Variants in ADAM9 observed in about 807,000 individuals in gnomAD.
ADAM9 encodes the protein ADAM metallopeptidase domain 9.
In ADAM9, 54 loss-of-function variants were observed where a neutral mutation model predicts 108.1. The ratio of observed to expected loss-of-function variants is 0.50; its 90% CI spans 0.40 to 0.63. ADAM9 has a LOEUF of 0.63. Among genes scored for constraint, ADAM9 ranks in the 20% least tolerant of loss-of-function variants. The pLI, the probability that ADAM9 is intolerant of heterozygous loss-of-function variation, is 0.00. For synonymous variants in ADAM9, 316 were observed against 336.0 expected (o/e 0.94, Z 0.65); for missense variants, 830 against 997.7 (o/e 0.83, Z 2.26).
rs1588337149 is a variant in ADAM9, at chr8:39,016,991, C to T, written c.411-228C>T. 5 of 536,844 alleles carry T rather than the reference C, an allele frequency of 9.3e-6. No individual in the cohort carries two copies. In the East Asian group the frequency reaches 1.3e-4, roughly 14 times the overall value. 33.3% of individuals were successfully genotyped at this position (536,844 alleles called of 1,614,324 possible). A position where few individuals can be genotyped will look rare whatever the true frequency, so the allele number is the denominator to read the frequency against. ...TGCCTTCCATTTCCCGTAGATCACT[C>T]AGGGAGGTTAAGTGACTTACAGGCA... On this transcript the variant is annotated intron_variant, in intron 5 of 21. Coordinates refer to ENST00000487273, the MANE Select transcript of ADAM9 (RefSeq NM_003816.3).
At chr8:39,036,267 A>G (rs1588362755) in intron 11 of ADAM9, among the ~76,000 whole-genome samples, 1 of 151,830 alleles carries the variant, frequency 6.6e-6, no homozygotes, top group Non-Finnish European at 1.5e-5. Context: ...GGCTTTCTTA[A>G]CTCTGCCCCT....
chr8:39,017,278 A>G lies in ADAM9; in HGVS notation c.470A>G (p.His157Arg). Reference sequence around the variant, plus strand: ...ATTGAACCCCTGCAGAACAGCTCTCATTTTGAGCACATCATTTATCGAATG... The same window carrying G: ...ATTGAACCCCTGCAGAACAGCTCTCGTTTTGAGCACATCATTTATCGAATG... ...YGIEPLQNSS[H>R]FEHIIYRMDD... The change falls in exon 6 of 22, where the codon CAT (histidine) becomes CGT (arginine). Residue 157 changes from histidine to arginine, a missense_variant. By Grantham distance (29) the His-to-Arg change is conservative. Coordinates refer to ENST00000487273, the MANE Select transcript of ADAM9 (RefSeq NM_003816.3). The G allele has an allele frequency of 6.2e-7, 1 of 1,614,178 alleles. No individual in the cohort carries two copies. The highest frequency in any genetic ancestry group is 8.5e-7 in the Non-Finnish European group (1 of 1,180,022).
chr8:39,063,365 T>G (rs1838355061), intron 14 of ADAM9, among the ~76,000 whole-genome samples: 1 of 152,168 alleles, frequency 6.6e-6, no homozygotes. Context: ...GCTATTACAG[T>G]TTCCTCAGGC....
chr8:39,100,715 G>A (rs552675798), intron 20 of ADAM9, among the ~76,000 whole-genome samples: 1 of 152,276 alleles, frequency 6.6e-6, no homozygotes, highest in South Asian at 2.1e-4. Context: ...TATGGTAGAA[G>A]CCAGAGGGTG....
At chr8:39,004,866 T>C (rs1357724372) in intron 1 of ADAM9, among the ~76,000 whole-genome samples, 2 of 152,268 alleles carry the variant, frequency 1.3e-5, no homozygotes, top group Middle Eastern at 3.4e-3. Flanking sequence ...CGACCAGAGG[T>C]CACTTTCCTC....
At position 39,104,467 on chromosome 8, in the gene ADAM9, T is replaced by G. The variant is rs1177817327; in HGVS notation, c.*767T>G. On this transcript the variant is annotated 3_prime_UTR_variant, in exon 22 of 22. Transcript: ENST00000487273. ...TCACAATAGCACTATTTTAAATAAATTATAAGCTTTAAGGTACGAAGTATT... is the reference window on the plus strand; with the variant it reads ...TCACAATAGCACTATTTTAAATAAAGTATAAGCTTTAAGGTACGAAGTATT... 1 of 394,568 alleles carries G rather than the reference T, an allele frequency of 2.5e-6. No homozygotes were observed. Among genetic ancestry groups the G allele is most frequent in the African/African-American group, 2.1e-5 (1 of 47,554 alleles). The allele number at this position is 394,568 out of a possible 1,614,324, so 24.4% of individuals were successfully genotyped here.
At chr8:39,069,529 G>T (rs1838607803) in intron 14 of ADAM9, among the ~76,000 whole-genome samples, 1 of 152,138 alleles carries the variant, frequency 6.6e-6, no homozygotes, top group African/African-American at 2.4e-5. Context: ...TAACATAAGA[G>T]AAGGTATTGA....
chr8:39,022,637 G>T (rs1300970468), intron 8 of ADAM9, among the ~76,000 whole-genome samples: 3 of 152,096 alleles, frequency 2.0e-5, no homozygotes, highest in African/African-American at 7.2e-5. Context: ...TAGAATAGAA[G>T]ATAATAAGGA....
intron 12 of ADAM9, among the ~76,000 whole-genome samples, chr8:39,046,028 T>C (rs756180085): frequency 7.9e-5 from 12 of 152,178 alleles, no homozygotes; most frequent in Non-Finnish European, 1.8e-4. Context: ...TTCTGAGGAA[T>C]GGATTTTATT....
chr8:39,031,911 C>G (rs966722197), intron 11 of ADAM9, among the ~76,000 whole-genome samples: 1 of 152,222 alleles, frequency 6.6e-6, no homozygotes, highest in Non-Finnish European at 1.5e-5. Flanking sequence ...TCAGGTCCCT[C>G]AGCTGCAGAT....
intron 20 of ADAM9, among the ~76,000 whole-genome samples, chr8:39,098,696 T>G (rs748192346): frequency 6.6e-6 from 1 of 152,242 alleles, no homozygotes; most frequent in Non-Finnish European, 1.5e-5. Flanking sequence ...AAACACCTAA[T>G]TTTTGTGCTG....
At chr8:39,073,373 A>G (rs1430668428) in intron 15 of ADAM9, among the ~76,000 whole-genome samples, 4 of 152,170 alleles carry the variant, frequency 2.6e-5, no homozygotes, top group Non-Finnish European at 2.9e-5. Context: ...TAGGATTGTT[A>G]TGCCCTCCTG....
intron 14 of ADAM9, among the ~76,000 whole-genome samples, chr8:39,068,418 T>C (rs1285481808): frequency 6.6e-6 from 1 of 152,066 alleles, no homozygotes; most frequent in East Asian, 1.9e-4. Flanking sequence ...CTCACACCTC[T>C]AATCCTAGCA....
At chr8:39,054,602 G>T in intron 13 of ADAM9, 29 bp downstream of exon 13, 339 of 944,700 alleles carry the variant, frequency 3.6e-4, no homozygotes, top group Non-Finnish European at 4.7e-4. Flanking sequence ...TTGGAAACAG[G>T]AAAAAAAAAA....
intron 20 of ADAM9, among the ~76,000 whole-genome samples, chr8:39,099,431 G>A (rs1340337290): frequency 2.0e-5 from 3 of 152,126 alleles, no homozygotes; most frequent in African/African-American, 7.2e-5. Flanking sequence ...TAGGTGTACT[G>A]TACTGGGAAG....
rs140683927 is a variant in ADAM9 at position 39,020,399 on chromosome 8, C to CT, written c.673-1242dup. Among the ~76,000 whole-genome samples the CT allele has an allele frequency of 6.4e-3, 973 of 151,906 alleles. 29 individuals are homozygous for CT. Among genetic ancestry groups the CT allele is most frequent in the Admixed American group, 0.045 (682 of 15,264 alleles). ...CAAATATATTAAATTAATTTTTTTTCTTGTTTAGGAGGATCATGATTAGAT... is the reference window on the plus strand; with the variant it reads ...CAAATATATTAAATTAATTTTTTTTCTTTGTTTAGGAGGATCATGATTAGAT... On this transcript the variant is annotated intron_variant, in intron 7 of 21. Coordinates refer to ENST00000487273, the MANE Select transcript of ADAM9 (RefSeq NM_003816.3).
intron 12 of ADAM9, among the ~76,000 whole-genome samples, chr8:39,049,946 A>C (rs1439944043): frequency 6.6e-6 from 1 of 152,218 alleles, no homozygotes; most frequent in African/African-American, 2.4e-5. Context: ...CTTAGAAGAA[A>C]GGTCTAATCA....
At chr8:38,997,227 C>T in intron 1 of ADAM9, 67 bp downstream of exon 1, 1 of 1,512,518 alleles carries the variant, frequency 6.6e-7, no homozygotes, top group Non-Finnish European at 8.9e-7. Flanking sequence ...CGGAGTGAAC[C>T]TGTGGTGCCT....
intron 4 of ADAM9, chr8:39,015,788 G>A: frequency 9.1e-6 from 2 of 219,266 alleles, no homozygotes; most frequent in Non-Finnish European, 1.8e-5. Context: ...GCTTTTGTTG[G>A]TTGTTGGATT....
Sources: allele counts gnomAD v4.1 joint callset (sites outside exome capture counted in the v4.1 genomes callset), GRCh38; gene constraint gnomAD v4.1.1; transcripts MANE v1.5; gene names NCBI Gene and HGNC (gene_info 2026-07-23, HGNC 2026-07-21).